The following AK5 variants were observed in gnomAD, a reference collection of about 807,000 sequenced individuals.
AK5 encodes adenylate kinase 5.
In AK5, 27 loss-of-function variants were observed where a neutral mutation model predicts 69.5. The observed-to-expected ratio is 0.39, with a 90% confidence interval of 0.29 to 0.54. AK5 has a LOEUF of 0.54. Among genes scored for constraint, AK5 ranks in the 20% least tolerant of loss-of-function variants. The probability of loss-of-function intolerance (pLI) is 0.71; values close to 1 mark genes in which losing one functional copy is unlikely to be tolerated. For synonymous variants in AK5, 260 were observed against 244.4 expected (o/e 1.06, Z -0.60); for missense variants, 531 against 700.4 (o/e 0.76, Z 2.73).
intron 10 of AK5, among the ~76,000 whole-genome samples, chr1:77,496,539 G>A (rs1410253918): frequency 6.6e-6 from 1 of 152,164 alleles, no homozygotes; most frequent in African/African-American, 2.4e-5. Context: ...GGTGAAAAAA[G>A]AAAAGCAGAT....
At chr1:77,365,723 C>T (rs1370238614) in intron 6 of AK5, among the ~76,000 whole-genome samples, 1 of 152,162 alleles carries the variant, frequency 6.6e-6, no homozygotes, top group Non-Finnish European at 1.5e-5. Flanking sequence ...AGTAATGCTC[C>T]CTTGCCCACT....
At chr1:77,345,107 A>T (rs1207806574) in intron 6 of AK5, among the ~76,000 whole-genome samples, 1 of 152,204 alleles carries the variant, frequency 6.6e-6, no homozygotes, top group East Asian at 1.9e-4. Context: ...TTCACCAGGG[A>T]AATGGATATA....
intron 8 of AK5, among the ~76,000 whole-genome samples, chr1:77,460,764 C>T (rs1048449947): frequency 2.6e-5 from 4 of 151,988 alleles, no homozygotes; most frequent in Non-Finnish European, 5.9e-5. Flanking sequence ...CACCCTGTCA[C>T]TCAGGCTGGA....
intron 8 of AK5, among the ~76,000 whole-genome samples, chr1:77,458,119 A>AAT (rs1293101520): frequency 2.0e-5 from 3 of 151,858 alleles, no homozygotes; most frequent in Admixed American, 2.0e-4. Flanking sequence ...AAAAAAAAAA[A>AAT]AAAGGGCAAA....
At chr1:77,522,840 T>A (rs1007846647) in intron 12 of AK5, among the ~76,000 whole-genome samples, 4 of 152,228 alleles carry the variant, frequency 2.6e-5, no homozygotes, top group African/African-American at 9.6e-5. Flanking sequence ...TTTATAGAGA[T>A]ATCTCTTCAG....
rs759657213 is a variant in AK5, at chr1:77,333,744, C to T, written c.700-6633C>T. Among the ~76,000 whole-genome samples the T allele has an allele frequency of 4.6e-5, 7 of 152,246 alleles. No individual in the cohort carries two copies. The South Asian group carries it at 6.2e-4, about 14-fold the overall frequency. ...CTTGCACGCTACAAGACCATATGGC[C>T]GGCAAAGCCTGAAATATTTGCCATC... is the stretch of plus-strand genomic sequence containing the variant. On this transcript the variant is annotated intron_variant, in intron 5 of 13. Transcript: ENST00000354567.
In AK5 at chr1:77,431,185, T is replaced by C. The variant is rs114125618; in HGVS notation, c.1059+13470T>C. Among the ~76,000 whole-genome samples, 354 of 152,332 alleles carry C rather than the reference T, an allele frequency of 2.3e-3. 1 individual carries two copies. Among genetic ancestry groups the C allele is most frequent in the Admixed American group, 3.7e-3 (56 of 15,300 alleles). ...GTTTCAAGAGAGTAGAAGCCTGAAC[T>C]GTTGTGAAATCTAGCAGGCAATGTG... On this transcript the variant is annotated intron_variant, in intron 8 of 13. Coordinates refer to ENST00000354567, the MANE Select transcript of AK5 (RefSeq NM_174858.3).
At position 77,368,173 on chromosome 1, in the gene AK5, C is replaced by T. The variant is rs554777747; in HGVS notation, c.891+27605C>T. On this transcript the variant is annotated intron_variant, in intron 6 of 13. Transcript: ENST00000354567. ...TACCAGCATTGTAGCCCGGTGACAA[C>T]CTCTTGTCATTATGATTTGACCTTA... Among the ~76,000 whole-genome samples the T allele has an allele frequency of 3.3e-3, 397 of 119,804 alleles. 1 individual carries two copies. The highest frequency in any genetic ancestry group is 0.014 in the South Asian group (51 of 3,776). 78.6% of individuals were successfully genotyped at this position (119,804 alleles called of 152,430 possible). A position where few individuals can be genotyped will look rare whatever the true frequency, so the allele number is the denominator to read the frequency against.
At chr1:77,426,394 A>G (rs1004723785) in intron 8 of AK5, among the ~76,000 whole-genome samples, 1 of 152,240 alleles carries the variant, frequency 6.6e-6, no homozygotes, top group Non-Finnish European at 1.5e-5. Flanking sequence ...TTAAAGCATT[A>G]CATAATGATA....
In AK5 at chr1:77,521,828, G is replaced by C; in HGVS notation, c.1313G>C (p.Gly438Ala). ...IMERGDLVPS[G>A]IVLELLKEAM... ...CTGACCACTCTCGCTTTGCTCCAGG[G>C]CATCGTTTTGGAGCTCCTGAAGGAG... is the stretch of plus-strand genomic sequence containing the variant. Residue 438 changes from glycine (G) to alanine (A), a missense_variant and splice_region_variant, in exon 12 of 14, where the codon GGC (glycine) becomes GCC (alanine). Physicochemically the swap from Gly to Ala is moderately conservative, Grantham distance 60. Transcript: ENST00000354567. The C allele has an allele frequency of 6.2e-7, 1 of 1,612,372 alleles. No homozygotes were observed. Among genetic ancestry groups the C allele is most frequent in the Non-Finnish European group, 8.5e-7 (1 of 1,178,740 alleles).
At chr1:77,525,503 A>C (rs1658223708) in intron 12 of AK5, among the ~76,000 whole-genome samples, 1 of 152,192 alleles carries the variant, frequency 6.6e-6, no homozygotes, top group South Asian at 2.1e-4. Context: ...GGGAGAAGCC[A>C]GTGCATCACA....
At chr1:77,318,314 T>TA (rs1258654088) in intron 5 of AK5, among the ~76,000 whole-genome samples, 1 of 152,102 alleles carries the variant, frequency 6.6e-6, no homozygotes, top group African/African-American at 2.4e-5. Context: ...TGTGAGAACT[T>TA]ACTCATTATA....
intron 6 of AK5, among the ~76,000 whole-genome samples, chr1:77,385,079 T>G (rs551206364): frequency 5.8e-4 from 89 of 152,332 alleles, no homozygotes; most frequent in African/African-American, 2.1e-3. Context: ...GGCAGTTTTC[T>G]TCATGTATCA....
chr1:77,501,415 A>G (rs933853208), intron 10 of AK5, among the ~76,000 whole-genome samples: 2 of 152,222 alleles, frequency 1.3e-5, no homozygotes, highest in Non-Finnish European at 2.9e-5. Context: ...TTGTTATGAG[A>G]GCATCCTAGT....
At chr1:77,340,808 G>T in intron 6 of AK5, 4 of 382,220 alleles carry the variant, frequency 1.0e-5, no homozygotes, top group South Asian at 1.1e-4. Flanking sequence ...TTTTAACCTT[G>T]GCCAAAATTC....
chr1:77,558,752 C>A lies in AK5; in HGVS notation c.*82C>A. 9.6e-7 allele frequency: 1 copy of A among 1,044,542 alleles called. No individual in the cohort carries two copies. Among genetic ancestry groups the A allele is most frequent in the Non-Finnish European group, 1.5e-6 (1 of 673,338 alleles). The allele number at this position is 1,044,542 out of a possible 1,614,324, so 64.7% of individuals were successfully genotyped here. A position where few individuals can be genotyped will look rare whatever the true frequency, so the allele number is the denominator to read the frequency against. ...CTTAACACAATGTTTCAAGTTAAACCTTTTGTGTCACCGCCCCCACCAACC... is the reference window on the plus strand; with the variant it reads ...CTTAACACAATGTTTCAAGTTAAACATTTTGTGTCACCGCCCCCACCAACC... On this transcript the variant is annotated 3_prime_UTR_variant, in exon 14 of 14. Coordinates refer to ENST00000354567, the MANE Select transcript of AK5 (RefSeq NM_174858.3).
At chr1:77,286,348 TG>T (rs1340947692) in intron 1 of AK5, among the ~76,000 whole-genome samples, 1 of 149,898 alleles carries the variant, frequency 6.7e-6, no homozygotes, top group Non-Finnish European at 1.5e-5. Context: ...ATGAAGTGAA[TG>T]GCTCTTCCAT....
At chr1:77,400,545 C>CA (rs1649143998) in intron 6 of AK5, among the ~76,000 whole-genome samples, 1 of 151,940 alleles carries the variant, frequency 6.6e-6, no homozygotes, top group Non-Finnish European at 1.5e-5. Flanking sequence ...ATGAAGATTC[C>CA]AAAAAATATT....
At chr1:77,282,680 C>T (rs1475542364) in intron 1 of AK5, 15 of 1,134,346 alleles carry the variant, frequency 1.3e-5, no homozygotes, top group African/African-American at 8.2e-5. Flanking sequence ...GGCTGCAGAC[C>T]GCGGCCGGGC....
Sources: allele counts gnomAD v4.1 joint callset (sites outside exome capture counted in the v4.1 genomes callset), GRCh38; gene constraint gnomAD v4.1.1; transcripts MANE v1.5; gene names NCBI Gene and HGNC (gene_info 2026-07-23, HGNC 2026-07-21).